The following GRAMD2B variants were observed in gnomAD, a reference collection of about 807,000 sequenced individuals.
The protein encoded by GRAMD2B is GRAM domain-containing protein 2B.
In GRAMD2B, 41 loss-of-function variants were observed where a neutral mutation model predicts 59.2. The observed-to-expected ratio is 0.69, with a 90% CI of 0.54 to 0.90. The LOEUF (loss-of-function observed/expected upper bound fraction) is 0.90. Among genes scored for constraint, GRAMD2B ranks in the 40% least tolerant of loss-of-function variants. The pLI, the probability that GRAMD2B is intolerant of heterozygous loss-of-function variation, is 0.00. For synonymous variants in GRAMD2B, 161 were observed against 182.7 expected (o/e 0.88, Z 0.96); for missense variants, 424 against 500.5 (o/e 0.85, Z 1.46).
chr5:126,392,181 G>A (rs1756868207), intron 1 of GRAMD2B, among the ~76,000 whole-genome samples: 1 of 152,174 alleles, frequency 6.6e-6, no homozygotes, highest in African/African-American at 2.4e-5. Flanking sequence ...ATCAGGATGA[G>A]TACTGCAAGA....
At chr5:126,476,029 A>G (rs1474253830) in intron 5 of GRAMD2B, among the ~76,000 whole-genome samples, 2 of 152,104 alleles carry the variant, frequency 1.3e-5, no homozygotes, top group African/African-American at 4.8e-5. Context: ...AATCACTTGA[A>G]CCCAGTGGGT....
intron 1 of GRAMD2B, among the ~76,000 whole-genome samples, chr5:126,450,576 C>T (rs376290974): frequency 6.6e-6 from 1 of 151,268 alleles, no homozygotes; most frequent in Non-Finnish European, 1.5e-5. Context: ...CTTTCTCACC[C>T]GTCACCTGGC....
chr5:126,473,391 A>T, intron 5 of GRAMD2B, 23 bp downstream of exon 5: 2 of 859,256 alleles, frequency 2.3e-6, no homozygotes, highest in South Asian at 1.8e-5. Flanking sequence ...AAAAAAAAAA[A>T]TGCTAACCCT....
chr5:126,423,420 C>G lies in GRAMD2B; in HGVS notation c.-187C>G. The G allele has an allele frequency of 7.2e-7, 1 of 1,382,010 alleles. No individual in the cohort carries two copies. The highest frequency in any genetic ancestry group is 9.3e-7 in the Non-Finnish European group (1 of 1,072,676). 85.6% of individuals were successfully genotyped at this position (1,382,010 alleles called of 1,614,324 possible). A position where few individuals can be genotyped will look rare whatever the true frequency, so the allele number is the denominator to read the frequency against. On this transcript the variant is annotated 5_prime_UTR_variant, in exon 1 of 14. Coordinates refer to ENST00000285689, the MANE Select transcript of GRAMD2B (RefSeq NM_023927.4). ...CAGTGGGTCGGACCAATCGCGCCCG[C>G]TCCGACGTGTCCAGGTCCGCGGCCC...
At chr5:126,367,146 C>G (rs1190263766), upstream of GRAMD2B, among the ~76,000 whole-genome samples, 1 of 151,434 alleles carries the variant, frequency 6.6e-6, no homozygotes, top group East Asian at 2.0e-4. Context: ...CGTGAGGCAC[C>G]ACACCCGGCC....
At chr5:126,488,224 G>A (rs1225129873) in intron 12 of GRAMD2B, among the ~76,000 whole-genome samples, 2 of 152,138 alleles carry the variant, frequency 1.3e-5, no homozygotes, top group African/African-American at 4.8e-5. Context: ...CTCCCATCTT[G>A]TTCAAAAAGT....
intron 1 of GRAMD2B, among the ~76,000 whole-genome samples, chr5:126,415,815 C>A (rs1181348915): frequency 6.7e-6 from 1 of 150,336 alleles, no homozygotes; most frequent in Non-Finnish European, 1.5e-5. Flanking sequence ...TAGAAGTTGT[C>A]AAAAAAGAAA....
At chr5:126,409,162 C>T (rs1758535356) in intron 1 of GRAMD2B, among the ~76,000 whole-genome samples, 1 of 152,102 alleles carries the variant, frequency 6.6e-6, no homozygotes. Flanking sequence ...GTGCATGTGT[C>T]TTTATAGCAG....
intron 1 of GRAMD2B, among the ~76,000 whole-genome samples, chr5:126,362,237 C>T (rs1239628402): frequency 2.6e-5 from 4 of 152,190 alleles, no homozygotes; most frequent in Admixed American, 2.0e-4. Context: ...ATTTCAGTCA[C>T]CTCTTCTGAA....
Position 126,461,525 on chromosome 5 carries a change from A to C in GRAMD2B, c.84-3901A>C, listed in dbSNP as rs1018198863. ...TAAAAATGCTGTTCCCTGGCTGGGC[A>C]TGGTGGTTTATGCTTTGTAATCCCA... is the stretch of plus-strand genomic sequence containing the variant. On this transcript the variant is annotated intron_variant, in intron 1 of 13. Coordinates refer to ENST00000285689, the MANE Select transcript of GRAMD2B (RefSeq NM_023927.4). Among the ~76,000 whole-genome samples, 12 of 152,302 alleles carry C rather than the reference A, an allele frequency of 7.9e-5. No homozygotes were observed. The East Asian group carries it at 2.1e-3, about 27-fold the overall frequency.
intron 1 of GRAMD2B, among the ~76,000 whole-genome samples, chr5:126,430,790 C>T (rs1761443606): frequency 1.3e-5 from 2 of 152,152 alleles, no homozygotes; most frequent in African/African-American, 2.4e-5. Context: ...TAACAATAAA[C>T]ATCTGTTGAA....
chr5:126,412,010 CAG>C (rs1341798975), intron 1 of GRAMD2B, among the ~76,000 whole-genome samples: 1 of 151,978 alleles, frequency 6.6e-6, no homozygotes, highest in Non-Finnish European at 1.5e-5. Flanking sequence ...AGTCTTTAGG[CAG>C]AGTCTTTAGG....
chr5:126,429,446 C>G (rs183085102), intron 1 of GRAMD2B, among the ~76,000 whole-genome samples: 9 of 152,044 alleles, frequency 5.9e-5, no homozygotes, highest in Middle Eastern at 3.4e-3. Context: ...AGGTTTAATA[C>G]CTGAGTGACA....
At chr5:126,477,384 T>G (rs1770822213) in intron 5 of GRAMD2B, among the ~76,000 whole-genome samples, 1 of 152,256 alleles carries the variant, frequency 6.6e-6, no homozygotes, top group African/African-American at 2.4e-5. Context: ...TAGAGCCTTG[T>G]GCTTATCTTT....
chr5:126,421,655 C>T (rs144097267), upstream of GRAMD2B, among the ~76,000 whole-genome samples: 22 of 152,316 alleles, frequency 1.4e-4, no homozygotes, highest in East Asian at 3.9e-3. Context: ...TCACAAACAT[C>T]AATTTTGGAG....
chr5:126,366,383 C>G (rs569031215), upstream of GRAMD2B, among the ~76,000 whole-genome samples: 228 of 152,240 alleles, frequency 1.5e-3, 1 homozygote, highest in Non-Finnish European at 2.1e-3. Flanking sequence ...AGCTGTTGTC[C>G]CATTGAGTAA....
intron 13 of GRAMD2B, among the ~76,000 whole-genome samples, chr5:126,489,566 T>C (rs1360452817): frequency 2.0e-5 from 3 of 152,230 alleles, no homozygotes. Context: ...TTAGGCTTTG[T>C]TGATAAGGCC....
chr5:126,382,319 A>T (rs2149706027), intron 1 of GRAMD2B, among the ~76,000 whole-genome samples: 1 of 152,348 alleles, frequency 6.6e-6, no homozygotes, highest in Admixed American at 6.5e-5. Flanking sequence ...TTCCTCGGGA[A>T]CACAGATTAT....
chr5:126,446,137 A>T (rs74628691), intron 1 of GRAMD2B, among the ~76,000 whole-genome samples: 5,452 of 152,232 alleles, frequency 0.036, 330 homozygotes, highest in African/African-American at 0.12. Flanking sequence ...TCATTTTTTT[A>T]AAAATCAATT....
Sources: allele counts gnomAD v4.1 joint callset (sites outside exome capture counted in the v4.1 genomes callset), GRCh38; gene constraint gnomAD v4.1.1; transcripts MANE v1.5; gene names NCBI Gene and HGNC (gene_info 2026-07-23, HGNC 2026-07-21).